ARL10: variants seen among roughly 807,000 people sequenced by gnomAD.
The protein encoded by ARL10 is ADP-ribosylation factor-like protein 10.
Under a neutral mutation model 26.1 loss-of-function variants are expected in ARL10, and 23 were observed. The ratio of observed to expected loss-of-function variants is 0.88; its 90% CI spans 0.63 to 1.25. The LOEUF is 1.25. Ranked by LOEUF, ARL10 falls within the 50% of genes most tolerant of loss-of-function variation. The pLI is 0.00. For missense variants in ARL10, 300 were observed against 323.6 expected, an observed-to-expected ratio of 0.93 and a Z score of 0.56; for synonymous variants, 138 against 149.1, an observed-to-expected ratio of 0.93 and a Z score of 0.54.
intron 1 of ARL10, among the ~76,000 whole-genome samples, chr5:176,399,882 A>AC (rs1464296559): frequency 6.6e-6 from 1 of 151,024 alleles, no homozygotes; most frequent in Non-Finnish European, 1.5e-5. Context: ...GGTCTCAAAA[A>AC]AAAAAAAAAG....
At chr5:176,392,850 C>T, downstream of ARL10, 1 of 1,614,246 alleles carries the variant, frequency 6.2e-7, no homozygotes, top group South Asian at 1.1e-5. The surrounding 1 kb of genome is among the most constrained non-coding windows in gnomAD (Gnocchi z 5.2). Flanking sequence ...CTGCTTGCTG[C>T]TCTTGGGGTT....
chr5:176,407,827 G>A, the ARL10 span, among the ~76,000 whole-genome samples: 1 of 152,318 alleles, frequency 6.6e-6, no homozygotes, highest in Non-Finnish European at 1.5e-5. Context: ...GACTTTTCCA[G>A]CTTGCTGATA....
At chr5:176,366,279 G>T in intron 1 of ARL10, 101 bp from the exon 2 acceptor site, 1 of 1,373,986 alleles carries the variant, frequency 7.3e-7, no homozygotes, top group Non-Finnish European at 9.8e-7. Context: ...GTCCCAGGAC[G>T]GGTGGAAGGC....
intron 2 of ARL10, 60 bp downstream of exon 2, chr5:176,366,641 T>C: frequency 1.9e-6 from 3 of 1,581,884 alleles, no homozygotes; most frequent in Non-Finnish European, 2.6e-6. Flanking sequence ...CTGGATTCTC[T>C]GCAGGGAAGG....
At chr5:176,403,305 C>G (rs558369099), downstream of ARL10, among the ~76,000 whole-genome samples, 50 of 152,256 alleles carry the variant, frequency 3.3e-4, no homozygotes, top group African/African-American at 9.9e-4. Context: ...CCACCTCGGC[C>G]TCCCAAAGTG....
In ARL10 at chr5:176,388,486, GT is replaced by G; in HGVS notation, c.230del (p.Leu77Ter). 6.2e-7 allele frequency: 1 copy of G among 1,614,208 alleles called. No homozygotes were observed. Among genetic ancestry groups the G allele is most frequent in the South Asian group, 1.1e-5 (1 of 91,084 alleles). On this transcript the variant is annotated frameshift_variant, in exon 2 of 2. Coordinates refer to the ARL10 transcript ENST00000503175. LOFTEE classifies it high-confidence loss of function. ...GAGCATTCCGGTTCAGACGCTTTCG[GT>G]TGACACTGTAACCAAACTTCTGCCT...
chr5:176,388,829 C>T (rs1273995458), downstream of ARL10: 4 of 1,613,914 alleles, frequency 2.5e-6, no homozygotes, highest in South Asian at 1.1e-5. Flanking sequence ...CATGGCGACT[C>T]CCGGCCCTGT....
chr5:176,392,678 G>A (rs1756308835), downstream of ARL10: 2 of 1,411,226 alleles, frequency 1.4e-6, no homozygotes, highest in Non-Finnish European at 2.0e-6. The surrounding 1 kb of genome is among the most constrained non-coding windows in gnomAD (Gnocchi z 5.2). Flanking sequence ...TAGGCTGTGG[G>A]TAGCAGCTGC....
At chr5:176,411,315 C>G in the ARL10 span, among the ~76,000 whole-genome samples, 1 of 152,178 alleles carries the variant, frequency 6.6e-6, no homozygotes, top group African/African-American at 2.4e-5. Flanking sequence ...ACCTGTGCCT[C>G]TCCTCTGACT....
chr5:176,371,977 C>A lies in ARL10; in HGVS notation c.*82C>A. 1 of 1,525,082 alleles carries A rather than the reference C, an allele frequency of 6.6e-7. No individual in the cohort carries two copies. The highest frequency in any genetic ancestry group is 1.4e-5 in the African/African-American group (1 of 72,432). The allele number at this position is 1,525,082 out of a possible 1,614,324, so 94.5% of individuals were successfully genotyped here. On this transcript the variant is annotated 3_prime_UTR_variant, in exon 4 of 4. Coordinates refer to ENST00000310389, the MANE Select transcript of ARL10 (RefSeq NM_173664.6). ...CTTCATTGCCAGACTGGGCCTGGGG[C>A]AAGAGCCACATGGCAGCATTTCCCT...
downstream of ARL10, chr5:176,388,789 C>T (rs756169086): frequency 2.1e-5 from 33 of 1,604,306 alleles, no homozygotes; most frequent in African/African-American, 8.1e-5. Flanking sequence ...AGGTCGGAGT[C>T]CCGATTTTCT....
chr5:176,370,187 G>A (rs151057853), intron 3 of ARL10, among the ~76,000 whole-genome samples: 8 of 152,258 alleles, frequency 5.3e-5, no homozygotes, highest in Non-Finnish European at 8.8e-5. Context: ...TAAATACCTC[G>A]TGATAGGCCC....
intron 3 of ARL10, chr5:176,369,351 G>T: frequency 1.8e-6 from 1 of 565,248 alleles, no homozygotes; most frequent in Admixed American, 3.4e-5. Context: ...TTGTGCCTCA[G>T]CCTTCCGAGT....
intron 2 of ARL10, among the ~76,000 whole-genome samples, chr5:176,367,216 T>G (rs529030654): frequency 6.6e-6 from 1 of 151,928 alleles, no homozygotes; most frequent in Non-Finnish European, 1.5e-5. Context: ...ACCACATTGG[T>G]CAGGCTAGTC....
Position 176,371,761 on chromosome 5 carries a change from G to A in ARL10, c.601G>A (p.Glu201Lys), listed in dbSNP as rs1768554695. ...EAMSMGELQRELGLQAIDNQR... is the reference protein window; with the variant it reads ...EAMSMGELQRKLGLQAIDNQR... ...CATGAGTATGGGGGAGCTGCAGCGG[G>A]AGCTGGGTCTACAGGCTATCGATAA... is the stretch of plus-strand genomic sequence containing the variant. The change falls in exon 4 of 4, where the codon GAG becomes AAG. Residue 201 changes from glutamate (E) to lysine (K), a missense_variant. By Grantham distance (56) the Glu-to-Lys change is moderately conservative. Transcript: ENST00000310389. The A allele has an allele frequency of 1.2e-6, 2 of 1,614,126 alleles. No individual in the cohort carries two copies. Among genetic ancestry groups the A allele is most frequent in the Admixed American group, 3.3e-5 (2 of 60,014 alleles).
chr5:176,391,003 G>A (rs989538456), downstream of ARL10, among the ~76,000 whole-genome samples: 9 of 152,262 alleles, frequency 5.9e-5, no homozygotes, highest in East Asian at 3.9e-4. Context: ...GAGGACCTGC[G>A]CTCTTCCCGA....
In ARL10 at chr5:176,372,163, G is replaced by C. The variant is rs921217383; in HGVS notation, c.*268G>C. On this transcript the variant is annotated 3_prime_UTR_variant, in exon 4 of 4. Coordinates refer to ENST00000310389, the MANE Select transcript of ARL10 (RefSeq NM_173664.6). ...CATTCCAGGCTGGAATGTGGATCCA[G>C]CTTTCCCTTCTCTTACCTGTACAGT... is the stretch of plus-strand genomic sequence containing the variant. 8.4e-7 allele frequency: 1 copy of C among 1,185,020 alleles called. No homozygotes were observed. Among genetic ancestry groups the C allele is most frequent in the Non-Finnish European group, 1.1e-6 (1 of 903,658 alleles). The allele number at this position is 1,185,020 out of a possible 1,614,324, so 73.4% of individuals were successfully genotyped here.
intron 1 of ARL10, among the ~76,000 whole-genome samples, chr5:176,395,367 G>A (rs1369536260): frequency 2.0e-5 from 3 of 152,338 alleles, no homozygotes; most frequent in African/African-American, 7.2e-5. Context: ...CATGAGCACG[G>A]TGAGGGGGGC....
At chr5:176,400,263 G>C (rs553408126) in intron 1 of ARL10, among the ~76,000 whole-genome samples, 100 of 152,236 alleles carry the variant, frequency 6.6e-4, no homozygotes, top group Middle Eastern at 3.4e-3. Context: ...TCTAAGAGCT[G>C]TTATGATTTA....
Sources: allele counts gnomAD v4.1 joint callset (sites outside exome capture counted in the v4.1 genomes callset), GRCh38; gene constraint gnomAD v4.1.1; non-coding constraint Gnocchi (gnomAD v3.1); transcripts MANE v1.5; gene names NCBI Gene and HGNC (gene_info 2026-07-23, HGNC 2026-07-21).